PPP2R3A: variants seen among roughly 807,000 people sequenced by gnomAD.
The protein encoded by PPP2R3A is serine/threonine-protein phosphatase 2A regulatory subunit B'' subunit alpha.
A neutral mutation model predicts 106.9 loss-of-function variants in PPP2R3A; 80 were observed. The observed-to-expected ratio is 0.75, with a 90% CI of 0.62 to 0.90. The LOEUF (loss-of-function observed/expected upper bound fraction) is 0.90. PPP2R3A is among the 40% of genes least tolerant of loss of function. The pLI is 0.00. For missense variants in PPP2R3A, 1,386 were observed against 1,350.4 expected (o/e 1.03, Z -0.41); for synonymous variants, 483 against 468.3 (o/e 1.03, Z -0.41).
Position 135,965,767 on chromosome 3 carries a change from C to A in PPP2R3A, c.-523C>A, listed in dbSNP as rs1030607069. On this transcript the variant is annotated 5_prime_UTR_variant, in exon 1 of 14. Coordinates refer to ENST00000264977, the MANE Select transcript of PPP2R3A (RefSeq NM_002718.5). Reference sequence around the variant, plus strand: ...GCTCTTCACGCGCCGCATTCGTAGCCCGAGAGTCCGCGCCGCGGGGAGGCT... The same window carrying A: ...GCTCTTCACGCGCCGCATTCGTAGCACGAGAGTCCGCGCCGCGGGGAGGCT... The A allele has an allele frequency of 1.4e-4, 22 of 152,130 alleles. No homozygotes were observed. Among genetic ancestry groups the A allele is most frequent in the African/African-American group, 4.3e-4 (18 of 41,414 alleles). 9.4% of individuals were successfully genotyped at this position (152,130 alleles called of 1,614,324 possible).
chr3:135,999,092 A>G lies in PPP2R3A; in HGVS notation c.-440-1967A>G, dbSNP rs531667635. Among the ~76,000 whole-genome samples the G allele has an allele frequency of 3.3e-5, 5 of 152,290 alleles. No individual in the cohort carries two copies. The South Asian group carries it at 6.2e-4, about 19-fold the overall frequency. Reference sequence around the variant, plus strand: ...CATTGAGCACTCCGAAGACATCACTATATGTCATTTGGCATCATTCTCCCA... The same window carrying G: ...CATTGAGCACTCCGAAGACATCACTGTATGTCATTTGGCATCATTCTCCCA... On this transcript the variant is annotated intron_variant, in intron 1 of 13. Transcript: ENST00000264977.
intron 2 of PPP2R3A, among the ~76,000 whole-genome samples, chr3:136,006,202 T>C (rs1933838754): frequency 3.3e-5 from 5 of 152,174 alleles, no homozygotes; most frequent in Admixed American, 3.3e-4. Context: ...TTTAAATAAG[T>C]TTCAATATCA....
intron 12 of PPP2R3A, among the ~76,000 whole-genome samples, chr3:136,103,722 A>G (rs1394818106): frequency 3.9e-5 from 6 of 152,208 alleles, no homozygotes; most frequent in Admixed American, 3.9e-4. Context: ...TAGAAACTAT[A>G]TTGGCCTTGA....
intron 2 of PPP2R3A, among the ~76,000 whole-genome samples, chr3:136,016,663 A>T (rs1321730817): frequency 6.6e-6 from 1 of 152,000 alleles, no homozygotes; most frequent in African/African-American, 2.4e-5. Context: ...ATTTGCATGG[A>T]TTATCTTTTT....
intron 1 of PPP2R3A, among the ~76,000 whole-genome samples, chr3:135,975,134 C>T (rs1937379749): frequency 6.6e-6 from 1 of 152,196 alleles, no homozygotes; most frequent in Non-Finnish European, 1.5e-5. Flanking sequence ...GGTTGAGACC[C>T]CTTTCCCATG....
intron 5 of PPP2R3A, among the ~76,000 whole-genome samples, chr3:136,051,237 T>G (rs1253344175): frequency 6.6e-6 from 1 of 152,276 alleles, no homozygotes; most frequent in Non-Finnish European, 1.5e-5. Context: ...TAAATCCTTG[T>G]TAGCTCTTAG....
At chr3:136,088,400 G>C (rs1034968983) in intron 9 of PPP2R3A, among the ~76,000 whole-genome samples, 1 of 152,204 alleles carries the variant, frequency 6.6e-6, no homozygotes, top group African/African-American at 2.4e-5. Context: ...GCCTTCAGCT[G>C]CCTCCATGTT....
chr3:136,037,928 C>T (rs777935686), intron 3 of PPP2R3A, among the ~76,000 whole-genome samples: 4 of 151,646 alleles, frequency 2.6e-5, no homozygotes, highest in Non-Finnish European at 5.9e-5. Flanking sequence ...ACTTGCTATC[C>T]ACTCTTCCTT....
At chr3:136,059,327 C>A (rs2107884138) in intron 5 of PPP2R3A, among the ~76,000 whole-genome samples, 1 of 151,674 alleles carries the variant, frequency 6.6e-6, no homozygotes, top group Non-Finnish European at 1.5e-5. Context: ...AATACATGAA[C>A]AAATATTTTT....
At chr3:136,028,073 T>G (rs965011344) in intron 3 of PPP2R3A, among the ~76,000 whole-genome samples, 4 of 152,216 alleles carry the variant, frequency 2.6e-5, no homozygotes, top group Non-Finnish European at 5.9e-5. Flanking sequence ...AAAATTTTCC[T>G]GTATAAGCGT....
intron 4 of PPP2R3A, among the ~76,000 whole-genome samples, chr3:136,048,083 T>G (rs1010426934): frequency 5.9e-5 from 9 of 152,020 alleles, no homozygotes; most frequent in African/African-American, 7.3e-5. Flanking sequence ...CCCGTACATG[T>G]ACCCCTGTAC....
In PPP2R3A at chr3:136,012,094, G is replaced by A. The variant is rs1256794340; in HGVS notation, c.1995+8601G>A. ...ATTTATTTAACATGGCAGTGTCAGT[G>A]AAATAGAATCCCTTCATTTCTTTTT... On this transcript the variant is annotated intron_variant, in intron 2 of 13. Transcript: ENST00000264977. Among the ~76,000 whole-genome samples, 8 of 152,086 alleles carry A rather than the reference G, an allele frequency of 5.3e-5. 1 individual carries two copies. Among genetic ancestry groups the A allele is most frequent in the Non-Finnish European group, 8.8e-5 (6 of 68,008 alleles).
chr3:136,084,117 A>G (rs1576490123), intron 8 of PPP2R3A, among the ~76,000 whole-genome samples: 3 of 152,362 alleles, frequency 2.0e-5, no homozygotes, highest in South Asian at 4.1e-4. Context: ...TCTCCAGGGC[A>G]TGTCAGAGAC....
chr3:136,041,235 CTTGTTTTTTTTTTTGTTTTTTTTT>C (rs750479465), intron 4 of PPP2R3A, among the ~76,000 whole-genome samples: 3 of 41,388 alleles, frequency 7.2e-5, no homozygotes, highest in East Asian at 1.2e-3. Flanking sequence ...CTTGGTTTTT[CTTGTTTTTTTTTTTGTTTTTTTTT>C]TTGTTTTTTT....
At chr3:136,010,258 CTTTTT>C (rs35997478) in intron 2 of PPP2R3A, among the ~76,000 whole-genome samples, 1 of 121,300 alleles carries the variant, frequency 8.2e-6, no homozygotes. Context: ...TTCTTTCTTT[CTTTTT>C]TTTTTTTTTT....
At chr3:136,017,289 G>A (rs1934311258) in intron 2 of PPP2R3A, among the ~76,000 whole-genome samples, 1 of 152,132 alleles carries the variant, frequency 6.6e-6, no homozygotes, top group Admixed American at 6.5e-5. Flanking sequence ...TGATGACTGT[G>A]CCTAGGCGAT....
In PPP2R3A at chr3:136,080,277, A is replaced by G. The variant is rs189179023; in HGVS notation, c.2631+1824A>G. ...AGTGTAATTAATTACATATTCCTCT[A>G]TTGATGTCCAAATCGTTTTCAGATT... On this transcript the variant is annotated intron_variant, in intron 7 of 13. Transcript: ENST00000264977. Among the ~76,000 whole-genome samples, 718 of 152,222 alleles carry G rather than the reference A, an allele frequency of 4.7e-3. 21 individuals carry two copies. Among genetic ancestry groups the G allele is most frequent in the Admixed American group, 0.041 (632 of 15,298 alleles).
rs777739692 is a variant in PPP2R3A at position 136,049,375 on chromosome 3, C to T, written c.2469+14C>T. The T allele has an allele frequency of 5.1e-6, 8 of 1,570,648 alleles. No homozygotes were observed. Among genetic ancestry groups the T allele is most frequent in the Non-Finnish European group, 3.5e-6 (4 of 1,152,364 alleles). Reference sequence around the variant, plus strand: ...CCTCTACTTCAGGTAATTTTCATCTCCTTTTGAAAATGGGTTCTAATTTTG... The same window carrying T: ...CCTCTACTTCAGGTAATTTTCATCTTCTTTTGAAAATGGGTTCTAATTTTG... On this transcript the variant is annotated intron_variant, in intron 5 of 13. Transcript: ENST00000264977.
chr3:135,994,018 T>C (rs1933282994), intron 1 of PPP2R3A, among the ~76,000 whole-genome samples: 1 of 152,202 alleles, frequency 6.6e-6, no homozygotes, highest in African/African-American at 2.4e-5. Flanking sequence ...GGTTACATGG[T>C]TCTTGTCAAA....
Sources: gnomAD v4.1 joint callset for allele counts (sites outside exome capture counted in the v4.1 genomes callset) on GRCh38, gnomAD v4.1.1 for gene constraint, MANE v1.5 for transcripts, NCBI Gene and HGNC (gene_info 2026-07-23, HGNC 2026-07-21) for gene names.